HIVEP2: variants seen among roughly 807,000 people sequenced by gnomAD.
HIVEP2 encodes HIVEP zinc finger 2, also known as transcription factor HIVEP2.
HIVEP2 carries 14 observed loss-of-function variants against 180.7 expected under a neutral mutation model. That is an observed-to-expected ratio of 0.08 (90% CI 0.05 to 0.12). The LOEUF (loss-of-function observed/expected upper bound fraction) is 0.12, where lower values mean the gene tolerates loss of function less well. Ranked by LOEUF, HIVEP2 falls within the 10% of genes least tolerant of loss-of-function variation. The pLI, the probability that HIVEP2 is intolerant of heterozygous loss-of-function variation, is 1.00. For synonymous variants in HIVEP2, 1,184 were observed against 1,136.4 expected, an observed-to-expected ratio of 1.04 and a Z score of -0.84; for missense variants, 2,579 against 3,008.5, an observed-to-expected ratio of 0.86 and a Z score of 3.34.
intron 2 of HIVEP2, among the ~76,000 whole-genome samples, chr6:142,784,661 G>T (rs1233726695): frequency 6.6e-6 from 1 of 152,124 alleles, no homozygotes; most frequent in Non-Finnish European, 1.5e-5. Context: ...GCTGCAAAGG[G>T]CAAATTATTA....
At chr6:142,884,972 C>T (rs2128418389) in intron 1 of HIVEP2, among the ~76,000 whole-genome samples, 1 of 152,156 alleles carries the variant, frequency 6.6e-6, no homozygotes, top group South Asian at 2.1e-4. Flanking sequence ...GATAGATACC[C>T]AAGCATATAG....
At chr6:142,818,404 C>T (rs547368685) in intron 2 of HIVEP2, among the ~76,000 whole-genome samples, 4 of 152,164 alleles carry the variant, frequency 2.6e-5, no homozygotes, top group South Asian at 2.1e-4. Flanking sequence ...AAGCCGGGCA[C>T]GGTGGCTCAC....
intron 1 of HIVEP2, among the ~76,000 whole-genome samples, chr6:142,864,094 G>T (rs933662311): frequency 6.6e-6 from 1 of 152,126 alleles, no homozygotes; most frequent in Non-Finnish European, 1.5e-5. Context: ...GCCAGCAAGA[G>T]GGCTGTAGGG....
chr6:142,804,233 T>C (rs2114770950), intron 2 of HIVEP2, among the ~76,000 whole-genome samples: 1 of 152,282 alleles, frequency 6.6e-6, no homozygotes, highest in Middle Eastern at 3.4e-3. Context: ...CTATACGTAG[T>C]TGTGGCCTGG....
At chr6:142,767,497 C>T (rs1231393458) in intron 6 of HIVEP2, among the ~76,000 whole-genome samples, 1 of 152,134 alleles carries the variant, frequency 6.6e-6, no homozygotes, top group Non-Finnish European at 1.5e-5. Context: ...ACATTATTTC[C>T]TCCAAATATA....
At chr6:142,857,825 A>ACGGG (rs1775863524) in intron 1 of HIVEP2, among the ~76,000 whole-genome samples, 1 of 152,160 alleles carries the variant, frequency 6.6e-6, no homozygotes, top group African/African-American at 2.4e-5. Context: ...CCCTTTGTTA[A>ACGGG]GACTTGTGTG....
chr6:142,800,667 A>G (rs1205203226), intron 2 of HIVEP2, among the ~76,000 whole-genome samples: 2 of 152,162 alleles, frequency 1.3e-5, no homozygotes, highest in African/African-American at 4.8e-5. Context: ...GGGATGATAA[A>G]CAGAAAATAA....
At position 142,772,560 on chromosome 6, in the gene HIVEP2, C is replaced by G. The variant is rs761204278; in HGVS notation, c.2179G>C (p.Asp727His). The G allele has an allele frequency of 1.2e-6, 2 of 1,614,060 alleles. No homozygotes were observed. Among genetic ancestry groups the G allele is most frequent in the Non-Finnish European group, 1.7e-6 (2 of 1,180,040 alleles). Reference protein sequence around the residue: ...VSTPVGIMASDYDPKLQMQEG... With the variant: ...VSTPVGIMASHYDPKLQMQEG... The stretch of plus-strand genomic sequence containing the variant: ...TGCATCTGCAGTTTGGGGTCATAAT[C>G]GGAAGCCATGATGCCCACAGGAGTG... The change falls in exon 5 of 10, where the codon GAT becomes CAT. Residue 727 changes from aspartate (D) to histidine (H), a missense_variant. Asp to His is a moderately conservative substitution (Grantham distance 81). Coordinates refer to ENST00000367603, the MANE Select transcript of HIVEP2 (RefSeq NM_006734.4). The surrounding 1 kb of genome is among the most constrained non-coding windows in gnomAD (Gnocchi z 4.9).
chr6:142,755,702 A>G (rs1414818088), intron 9 of HIVEP2, among the ~76,000 whole-genome samples: 2 of 152,174 alleles, frequency 1.3e-5, no homozygotes, highest in East Asian at 3.8e-4. Context: ...ATTGTCCTCT[A>G]AAACTACAAT....
intron 2 of HIVEP2, among the ~76,000 whole-genome samples, chr6:142,792,713 A>T (rs1776168958): frequency 2.0e-5 from 3 of 152,146 alleles, no homozygotes; most frequent in African/African-American, 7.2e-5. Context: ...GTATCCCAGA[A>T]TTTAAAATAA....
At chr6:142,910,537 G>A (rs1777374793) in intron 1 of HIVEP2, among the ~76,000 whole-genome samples, 1 of 152,230 alleles carries the variant, frequency 6.6e-6, no homozygotes, top group Non-Finnish European at 1.5e-5. Flanking sequence ...GGCAGGCAGA[G>A]GTTGCAGTGA....
chr6:142,930,517 C>T (rs1485813608), intron 1 of HIVEP2, among the ~76,000 whole-genome samples: 1 of 152,186 alleles, frequency 6.6e-6, no homozygotes, highest in Admixed American at 6.5e-5. Context: ...AGTACAGCCC[C>T]TGTAACTGAG....
At chr6:142,764,495 T>G (rs911468972) in intron 7 of HIVEP2, among the ~76,000 whole-genome samples, 2 of 152,216 alleles carry the variant, frequency 1.3e-5, no homozygotes, top group Non-Finnish European at 2.9e-5. Flanking sequence ...GGTGTAAATA[T>G]TATCTAGACC....
intron 2 of HIVEP2, among the ~76,000 whole-genome samples, chr6:142,826,552 A>G (rs1021068263): frequency 6.6e-6 from 1 of 152,254 alleles, no homozygotes; most frequent in Non-Finnish European, 1.5e-5. Flanking sequence ...AAATCAGTCT[A>G]ATAAAACATT....
At chr6:142,764,742 A>G (rs1256056181) in intron 7 of HIVEP2, 57 bp downstream of exon 7, 2 of 1,298,466 alleles carry the variant, frequency 1.5e-6, no homozygotes, top group Non-Finnish European at 2.2e-6. Flanking sequence ...AATAGCACTC[A>G]GAAATCTAAG....
intron 1 of HIVEP2, among the ~76,000 whole-genome samples, chr6:142,934,045 T>C (rs1777997229): frequency 1.3e-5 from 2 of 152,270 alleles, no homozygotes; most frequent in African/African-American, 2.4e-5. Flanking sequence ...GTGGAACTGC[T>C]GACCATTATC....
intron 2 of HIVEP2, among the ~76,000 whole-genome samples, chr6:142,823,304 C>T (rs548676723): frequency 1.4e-4 from 21 of 152,278 alleles, no homozygotes; most frequent in African/African-American, 5.1e-4. Flanking sequence ...TCCACAGCAC[C>T]TTTATCATAG....
chr6:142,839,523 C>T (rs758166053), intron 1 of HIVEP2, among the ~76,000 whole-genome samples: 5 of 152,030 alleles, frequency 3.3e-5, no homozygotes, highest in Non-Finnish European at 7.4e-5. Flanking sequence ...TTTGATCATG[C>T]TTGTCACCAA....
chr6:142,887,785 A>T (rs1451810380), intron 1 of HIVEP2, among the ~76,000 whole-genome samples: 1 of 152,176 alleles, frequency 6.6e-6, no homozygotes. Flanking sequence ...AAGAAGTTAA[A>T]CAAATCACCG....
Sources: gnomAD v4.1 joint callset for allele counts (sites outside exome capture counted in the v4.1 genomes callset) on GRCh38, gnomAD v4.1.1 for gene constraint, Gnocchi (gnomAD v3.1) non-coding constraint, MANE v1.5 for transcripts, NCBI Gene and HGNC (gene_info 2026-07-23, HGNC 2026-07-21) for gene names.